LRRFIP1: variants seen among roughly 807,000 people sequenced by gnomAD.
The protein encoded by LRRFIP1 is LRR binding FLII interacting protein 1.
Under a neutral mutation model 104.4 loss-of-function variants are expected in LRRFIP1, and 62 were observed. The observed-to-expected ratio is 0.59, with a 90% CI of 0.48 to 0.73. The LOEUF is 0.73. Ranked by LOEUF, LRRFIP1 falls within the 30% of genes least tolerant of loss-of-function variation. LRRFIP1 has a pLI of 0.00. For synonymous variants in LRRFIP1, 300 were observed against 299.0 expected, an observed-to-expected ratio of 1.00 and a Z score of -0.03; for missense variants, 796 against 824.5, an observed-to-expected ratio of 0.97 and a Z score of 0.42.
chr2:237,664,865 G>A (rs1181891786), intron 1 of LRRFIP1, among the ~76,000 whole-genome samples: 2 of 152,174 alleles, frequency 1.3e-5, no homozygotes, highest in African/African-American at 4.8e-5. Context: ...GACTCCTGGA[G>A]CACCCAGATT....
chr2:237,631,296 C>G (rs560236512), intron 1 of LRRFIP1, among the ~76,000 whole-genome samples: 1 of 152,316 alleles, frequency 6.6e-6, no homozygotes, highest in East Asian at 1.9e-4. Context: ...AGGGGAAGAG[C>G]TAGGCTGCCC....
intron 23 of LRRFIP1, among the ~76,000 whole-genome samples, chr2:237,775,597 C>T (rs938112460): frequency 1.3e-5 from 2 of 152,098 alleles, no homozygotes; most frequent in African/African-American, 4.8e-5. Flanking sequence ...TTTGGGAGGC[C>T]AAGGTGAGCA....
rs1190377420 is a variant in LRRFIP1 at position 237,780,721 on chromosome 2, A to C, written c.*1189A>C. 2.6e-5 allele frequency among the ~76,000 whole-genome samples: 4 copies of C among 152,206 alleles called. No individual in the cohort carries two copies. Among genetic ancestry groups the C allele is most frequent in the Non-Finnish European group, 4.4e-5 (3 of 68,034 alleles). ...ATGCTGGAGTGAGGGTTGTGAGTTC[A>C]GGGTATATAATCAAGAAAACACTCC... On this transcript the variant is annotated 3_prime_UTR_variant, in exon 24 of 24. Transcript: ENST00000308482.
intron 11 of LRRFIP1, among the ~76,000 whole-genome samples, chr2:237,746,284 C>G (rs908743688): frequency 6.6e-5 from 10 of 152,160 alleles, no homozygotes; most frequent in African/African-American, 2.4e-4. Flanking sequence ...GTCTCGAACT[C>G]CTGACCTCAA....
intron 22 of LRRFIP1, among the ~76,000 whole-genome samples, chr2:237,773,638 G>A (rs1394154613): frequency 2.6e-5 from 4 of 152,252 alleles, no homozygotes; most frequent in Middle Eastern, 3.4e-3. Flanking sequence ...CTCTTGCAGC[G>A]AGGCCCGCCC....
rs899002409 is a variant in LRRFIP1 at position 237,759,906 on chromosome 2, G to A, written c.1318-158G>A. 2.0e-5 allele frequency among the ~76,000 whole-genome samples: 3 copies of A among 152,130 alleles called. No individual in the cohort carries two copies. The East Asian group carries it at 5.8e-4, about 29-fold the overall frequency. ...TATCCCAGATTTGTGTGTGTTGACC[G>A]AATATTTACGAGTGCTGCACCCTAG... is the stretch of plus-strand genomic sequence containing the variant. On this transcript the variant is annotated intron_variant, in intron 18 of 23. Coordinates refer to ENST00000308482, the MANE Select transcript of LRRFIP1 (RefSeq NM_001137550.2).
intron 13 of LRRFIP1, among the ~76,000 whole-genome samples, chr2:237,750,326 C>CTTTTTTTTTTTTTTTTTTTTTTT (rs928510240): frequency 5.1e-4 from 31 of 60,690 alleles, no homozygotes; most frequent in Non-Finnish European, 6.1e-4. Context: ...TTCTTTCTTT[C>CTTTTTTTTTTTTTTTTTTTTTTT]TTTTTTTTTT....
At position 237,711,933 on chromosome 2, in the gene LRRFIP1, T is replaced by C. The variant is rs1427139595; in HGVS notation, c.184-2326T>C. On this transcript the variant is annotated intron_variant, in intron 2 of 23. Transcript: ENST00000308482. This position sits in a 1 kb window ranked among gnomAD's most constrained non-coding sequence, Gnocchi z 4.4. Reference sequence around the variant, plus strand: ...GTTCCTAACGGCGGCAACGGTGCCTTCATGAATTTCGGGTCTTTGCAAGGC... The same window carrying C: ...GTTCCTAACGGCGGCAACGGTGCCTCCATGAATTTCGGGTCTTTGCAAGGC... 6.6e-6 allele frequency among the ~76,000 whole-genome samples: 1 copy of C among 152,240 alleles called. No homozygotes were observed. The highest frequency in any genetic ancestry group is 1.5e-5 in the Non-Finnish European group (1 of 68,048).
rs373131426 is a variant in LRRFIP1 at position 237,753,124 on chromosome 2, T to C, written c.868-185T>C. ...GTGAATTTTCTGAGCAATGAGAATT[T>C]GACCAAATTGAAAAGGGGGATTTCC... On this transcript the variant is annotated intron_variant, in intron 14 of 23. Coordinates refer to ENST00000308482, the MANE Select transcript of LRRFIP1 (RefSeq NM_001137550.2). Among the ~76,000 whole-genome samples, 6 of 152,352 alleles carry C rather than the reference T, an allele frequency of 3.9e-5. No individual in the cohort carries two copies. The East Asian group carries it at 9.6e-4, about 24-fold the overall frequency.
chr2:237,750,596 A>T (rs905207664), intron 13 of LRRFIP1, among the ~76,000 whole-genome samples: 25 of 152,062 alleles, frequency 1.6e-4, no homozygotes, highest in African/African-American at 5.6e-4. Flanking sequence ...TCGGCCTCCC[A>T]AAGTGCTGGG....
chr2:237,645,169 T>C (rs1239117449), intron 1 of LRRFIP1, among the ~76,000 whole-genome samples: 1 of 152,178 alleles, frequency 6.6e-6, no homozygotes, highest in Non-Finnish European at 1.5e-5. Context: ...ATTAGTAAAT[T>C]TGGAGAGAGA....
At position 237,703,865 on chromosome 2, in the gene LRRFIP1, C is replaced by T. The variant is rs1295185013; in HGVS notation, c.97-4679C>T. On this transcript the variant is annotated intron_variant, in intron 1 of 23. Transcript: ENST00000308482. This position sits in a 1 kb window ranked among gnomAD's most constrained non-coding sequence, Gnocchi z 4.3. ...TGGCCTCCCCGGGCCACGGTCAGCC[C>T]ACAGGCTACTCACAGAAAGTGACAG... 2.6e-5 allele frequency among the ~76,000 whole-genome samples: 4 copies of T among 152,110 alleles called. No homozygotes were observed. Among genetic ancestry groups the T allele is most frequent in the Non-Finnish European group, 5.9e-5 (4 of 68,032 alleles).
chr2:237,667,199 C>T (rs576990044), intron 1 of LRRFIP1, among the ~76,000 whole-genome samples: 1 of 152,242 alleles, frequency 6.6e-6, no homozygotes, highest in East Asian at 1.9e-4. Context: ...TCCTGACAGG[C>T]CCTGGTAAGT....
chr2:237,645,955 G>A (rs1410476559), intron 1 of LRRFIP1, among the ~76,000 whole-genome samples: 1 of 151,962 alleles, frequency 6.6e-6, no homozygotes, highest in African/African-American at 2.4e-5. Flanking sequence ...CTCCACTCCT[G>A]TGAGACAGTT....
At chr2:237,627,796 GCTGTCAGGGTCTCTCCGGCGTCCGT>G (rs2081773575) in intron 1 of LRRFIP1, 56 bp downstream of exon 1, 1 of 1,063,666 alleles carries the variant, frequency 9.4e-7, no homozygotes, top group African/African-American at 1.7e-5. Flanking sequence ...GGGCCGGACG[GCTGTCAGGGTCTCTCCGGCGTCCGT>G]CTGTCCCGCT....
intron 3 of LRRFIP1, among the ~76,000 whole-genome samples, chr2:237,716,447 C>A (rs1008082588): frequency 6.6e-6 from 1 of 151,966 alleles, no homozygotes; most frequent in African/African-American, 2.4e-5. Context: ...TTGTTAAATT[C>A]TCCCTCCTAA....
intron 19 of LRRFIP1, chr2:237,769,137 C>A (rs1371343518): frequency 6.6e-6 from 1 of 151,942 alleles, no homozygotes; most frequent in African/African-American, 2.4e-5. Context: ...TAGAACTGTA[C>A]CTGTGTCAGA....
At chr2:237,713,340 C>CT (rs925884542) in intron 2 of LRRFIP1, among the ~76,000 whole-genome samples, 51 of 152,126 alleles carry the variant, frequency 3.4e-4, no homozygotes, top group African/African-American at 1.2e-3. Flanking sequence ...GATATGAGCT[C>CT]TTTTTTAATG....
At chr2:237,740,115 T>G (rs553905470) in intron 11 of LRRFIP1, among the ~76,000 whole-genome samples, 3 of 152,168 alleles carry the variant, frequency 2.0e-5, no homozygotes, top group African/African-American at 7.2e-5. Context: ...TATCAAAATT[T>G]CCAGCCTGAG....
Sources: gnomAD v4.1 joint callset for allele counts (sites outside exome capture counted in the v4.1 genomes callset) on GRCh38, gnomAD v4.1.1 for gene constraint, Gnocchi (gnomAD v3.1) non-coding constraint, MANE v1.5 for transcripts, NCBI Gene and HGNC (gene_info 2026-07-23, HGNC 2026-07-21) for gene names.